Variants in LARGE1 observed in about 807,000 individuals in gnomAD.
The protein encoded by LARGE1 is LARGE xylosyl- and glucuronyltransferase 1.
A neutral mutation model predicts 87.6 loss-of-function variants in LARGE1; 43 were observed. The ratio of observed to expected loss-of-function variants is 0.49; its 90% CI spans 0.38 to 0.63. LARGE1 has a LOEUF of 0.63. Among genes scored for constraint, LARGE1 ranks in the 30% least tolerant of loss-of-function variants. The pLI is 0.00. For missense variants in LARGE1, 802 were observed against 1,000.2 expected (o/e 0.80, Z 2.67); for synonymous variants, 434 against 394.6 (o/e 1.10, Z -1.18).
chr22:33,112,009 A>G, the LARGE1 span, among the ~76,000 whole-genome samples: 59 of 152,362 alleles, frequency 3.9e-4, no homozygotes, highest in Non-Finnish European at 6.5e-4. Flanking sequence ...TTGAGATCTG[A>G]GGGTTCAAAG....
rs185901740 is a variant in LARGE1 at position 33,762,860 on chromosome 22, T to C, written c.-82-1302A>G. ...CCTGACATAGGTGTCACGCTGACTATAGGTGGAAAGAAAGATAAACCCACA... is the reference window on the plus strand; with the variant it reads ...CCTGACATAGGTGTCACGCTGACTACAGGTGGAAAGAAAGATAAACCCACA... On this transcript the variant is annotated intron_variant, in intron 1 of 14. Transcript: ENST00000397394. Among the ~76,000 whole-genome samples, 323 of 152,286 alleles carry C rather than the reference T, an allele frequency of 2.1e-3. 1 individual carries two copies. The highest frequency in any genetic ancestry group is 7.2e-3 in the African/African-American group (299 of 41,556).
chr22:33,528,266 T>G (rs533075131), intron 6 of LARGE1, among the ~76,000 whole-genome samples: 1 of 152,276 alleles, frequency 6.6e-6, no homozygotes, highest in South Asian at 2.1e-4. Context: ...GCAGCCTGCA[T>G]GGTGGCTATT....
At chr22:33,641,028 G>T (rs994956043) in intron 3 of LARGE1, among the ~76,000 whole-genome samples, 1 of 152,188 alleles carries the variant, frequency 6.6e-6, no homozygotes, top group African/African-American at 2.4e-5. Flanking sequence ...TGGCTCTGAA[G>T]AGAGCAGCCC....
chr22:33,851,911 G>A (rs1468077964), intron 1 of LARGE1, among the ~76,000 whole-genome samples: 3 of 152,292 alleles, frequency 2.0e-5, no homozygotes, highest in African/African-American at 7.2e-5. Flanking sequence ...ATGTTTGGTT[G>A]TTTTTGTGCC....
chr22:33,178,794 A>G (rs1923012481), intron 11 of LARGE1, among the ~76,000 whole-genome samples: 1 of 152,200 alleles, frequency 6.6e-6, no homozygotes, highest in African/African-American at 2.4e-5. Flanking sequence ...TTGAACACTC[A>G]ACTATAAACT....
chr22:33,089,400 TTTCTTC>T, the LARGE1 span, among the ~76,000 whole-genome samples: 6 of 128,704 alleles, frequency 4.7e-5, no homozygotes, highest in African/African-American at 1.8e-4. Flanking sequence ...CTTCTTCTTC[TTTCTTC>T]TTCTTCTACT....
chr22:33,873,694 G>A (rs1003966575), intron 1 of LARGE1, among the ~76,000 whole-genome samples: 2 of 152,222 alleles, frequency 1.3e-5, no homozygotes, highest in Non-Finnish European at 2.9e-5. Flanking sequence ...ACTAAAACTT[G>A]TATGATCCTT....
chr22:33,206,920 T>C (rs1399384525), intron 11 of LARGE1, among the ~76,000 whole-genome samples: 2 of 152,222 alleles, frequency 1.3e-5, no homozygotes, highest in Admixed American at 1.3e-4. Flanking sequence ...TCCAGCCCAG[T>C]TAGTCCAGTT....
rs556792586 is a variant in LARGE1 at position 33,359,198 on chromosome 22, A to G, written c.1132-21397T>C. On this transcript the variant is annotated intron_variant, in intron 9 of 14. Transcript: ENST00000397394. ...ATATATCATGTTTTCATTGGAAAAT[A>G]TTTTCAGGTAGAAACTCATTGCTGT... is the stretch of plus-strand genomic sequence containing the variant. Among the ~76,000 whole-genome samples the G allele has an allele frequency of 7.9e-5, 12 of 152,142 alleles. No individual in the cohort carries two copies. In the South Asian group the frequency reaches 2.3e-3, roughly 29 times the overall value.
intron 7 of LARGE1, among the ~76,000 whole-genome samples, chr22:33,416,280 C>T (rs2066481029): frequency 6.6e-6 from 1 of 152,210 alleles, no homozygotes; most frequent in African/African-American, 2.4e-5. Flanking sequence ...GTGTGCTGCT[C>T]TGGCCATCCC....
intron 11 of LARGE1, among the ~76,000 whole-genome samples, 165 bp downstream of exon 11, chr22:33,315,920 G>T (rs1936102866): frequency 6.6e-6 from 1 of 152,092 alleles, no homozygotes; most frequent in African/African-American, 2.4e-5. Context: ...GAGCCACCGT[G>T]CCCGGCCCAG....
the LARGE1 span, among the ~76,000 whole-genome samples, chr22:33,134,403 C>T: frequency 1.3e-5 from 2 of 151,988 alleles, no homozygotes; most frequent in African/African-American, 4.8e-5. Context: ...GGACTACAAG[C>T]GCCCGCCACC....
downstream of LARGE1, among the ~76,000 whole-genome samples, chr22:33,158,311 T>G (rs918419082): frequency 5.3e-5 from 8 of 152,160 alleles, no homozygotes; most frequent in Non-Finnish European, 1.0e-4. Context: ...ATTTAAATCT[T>G]TTGAAACAAC....
chr22:33,157,834 G>A (rs900205285), downstream of LARGE1, among the ~76,000 whole-genome samples: 4 of 152,148 alleles, frequency 2.6e-5, no homozygotes, highest in East Asian at 1.9e-4. Flanking sequence ...AAGAAATTAC[G>A]AAATTCAGAA....
At chr22:33,785,724 G>C (rs557464680) in intron 1 of LARGE1, among the ~76,000 whole-genome samples, 3 of 152,120 alleles carry the variant, frequency 2.0e-5, no homozygotes, top group African/African-American at 7.2e-5. Context: ...TGCCAGATGA[G>C]ATCTCAATTT....
chr22:33,908,555 G>C, intron 1 of LARGE1, among the ~76,000 whole-genome samples: 1 of 150,022 alleles, frequency 6.7e-6, no homozygotes, highest in Middle Eastern at 3.2e-3. Context: ...GGTGGCCAGG[G>C]GTGGGGGGTG....
chr22:33,873,549 GC>G (rs2064369716), intron 1 of LARGE1: 1 of 152,288 alleles, frequency 6.6e-6, no homozygotes. Flanking sequence ...GTGCTCGTCT[GC>G]CTGGGGTCCA....
intron 9 of LARGE1, among the ~76,000 whole-genome samples, chr22:33,341,854 T>C (rs2146625769): frequency 6.6e-6 from 1 of 152,248 alleles, no homozygotes; most frequent in Middle Eastern, 3.4e-3. Context: ...GCTTCCATGT[T>C]AGAGTGGTTC....
intron 1 of LARGE1, among the ~76,000 whole-genome samples, chr22:33,784,745 T>G (rs188739976): frequency 6.6e-6 from 1 of 152,116 alleles, no homozygotes; most frequent in East Asian, 1.9e-4. Context: ...TATTTGTACA[T>G]AAACAATATA....
Sources: gnomAD v4.1 joint callset for allele counts (sites outside exome capture counted in the v4.1 genomes callset) on GRCh38, gnomAD v4.1.1 for gene constraint, MANE v1.5 for transcripts, NCBI Gene and HGNC (gene_info 2026-07-23, HGNC 2026-07-21) for gene names.